The following SMC3 variants were observed in gnomAD, a reference collection of about 807,000 sequenced individuals.
SMC3 encodes the protein structural maintenance of chromosomes 3, also known as structural maintenance of chromosomes protein 3.
Under a neutral mutation model 171.8 loss-of-function variants are expected in SMC3, and 20 were observed. The observed-to-expected ratio is 0.12, with a 90% CI of 0.08 to 0.17. The LOEUF (loss-of-function observed/expected upper bound fraction) is 0.17, where lower values mean the gene tolerates loss of function less well. Among genes scored for constraint, SMC3 ranks in the 10% least tolerant of loss-of-function variants. The probability of loss-of-function intolerance (pLI) is 1.00; values close to 1 mark genes in which losing one functional copy is unlikely to be tolerated. For synonymous variants in SMC3, 464 were observed against 451.1 expected (o/e 1.03, Z -0.36); for missense variants, 543 against 1,420.4 (o/e 0.38, Z 9.93).
intron 7 of SMC3, among the ~76,000 whole-genome samples, chr10:110,579,939 C>T (rs1340370616): frequency 3.3e-5 from 5 of 152,256 alleles, no homozygotes; most frequent in Admixed American, 2.6e-4. Context: ...ACCATTCTCT[C>T]TATATTTAAA....
chr10:110,598,648 C>T (rs1394034513), intron 20 of SMC3, among the ~76,000 whole-genome samples: 1 of 152,100 alleles, frequency 6.6e-6, no homozygotes, highest in Non-Finnish European at 1.5e-5. Flanking sequence ...TCAGATGATC[C>T]ACCTGCCTTG....
At chr10:110,602,450 AT>A (rs1439959704) in intron 25 of SMC3, 23 bp from the exon 26 acceptor site, 1 of 1,589,308 alleles carries the variant, frequency 6.3e-7, no homozygotes. Flanking sequence ...CAAAATTTAT[AT>A]TTCAATCTGC....
chr10:110,574,684 C>T (rs773174273), intron 3 of SMC3, among the ~76,000 whole-genome samples: 15 of 147,504 alleles, frequency 1.0e-4, no homozygotes, highest in African/African-American at 3.8e-4. Flanking sequence ...TGGGCACCCC[C>T]ACCACCTCCA....
chr10:110,593,388 G>A (rs903219713), intron 18 of SMC3, among the ~76,000 whole-genome samples, 165 bp downstream of exon 18: 4 of 151,904 alleles, frequency 2.6e-5, no homozygotes, highest in Non-Finnish European at 4.4e-5. Flanking sequence ...CCTGGCTAAC[G>A]AGGCGAAACC....
intron 6 of SMC3, among the ~76,000 whole-genome samples, chr10:110,578,293 G>A (rs1180704461): frequency 2.6e-5 from 4 of 151,940 alleles, no homozygotes; most frequent in Non-Finnish European, 4.4e-5. Context: ...GGCTGGTCTC[G>A]AACTCTTGAC....
chr10:110,603,156 T>C, intron 27 of SMC3, 28 bp from the exon 28 acceptor site: 7 of 1,569,590 alleles, frequency 4.5e-6, no homozygotes, highest in Non-Finnish European at 5.3e-6. Flanking sequence ...GAAAAGAAAT[T>C]TGTTAAAGCA....
chr10:110,577,536 T>A (rs763526476), intron 5 of SMC3, 44 bp downstream of exon 5: 3 of 1,331,532 alleles, frequency 2.3e-6, no homozygotes, highest in Non-Finnish European at 3.2e-6. Flanking sequence ...ATTTAATTGG[T>A]TTAGCTGATT....
intron 13 of SMC3, 108 bp from the exon 14 acceptor site, chr10:110,589,497 C>T: frequency 1.4e-6 from 1 of 723,562 alleles, no homozygotes. Flanking sequence ...TAATTCCTCC[C>T]TCACCTTTTG....
intron 13 of SMC3, among the ~76,000 whole-genome samples, chr10:110,589,224 C>T (rs910313005): frequency 2.6e-5 from 4 of 151,800 alleles, no homozygotes; most frequent in African/African-American, 9.7e-5. Flanking sequence ...TCCGTCTCTA[C>T]TAAAAATACA....
chr10:110,578,226 A>G (rs1860981894), intron 6 of SMC3, among the ~76,000 whole-genome samples: 1 of 151,892 alleles, frequency 6.6e-6, no homozygotes, highest in African/African-American at 2.4e-5. Context: ...GGCAGTCACC[A>G]CCACACCCGG....
chr10:110,600,119 T>C (rs995190519), intron 21 of SMC3, among the ~76,000 whole-genome samples: 5 of 152,226 alleles, frequency 3.3e-5, no homozygotes, highest in Admixed American at 6.5e-5. Flanking sequence ...CCTTTACATA[T>C]TTAATGTTTT....
In SMC3 at chr10:110,602,460, G is replaced by C; in HGVS notation, c.3106-14G>C. ...CTAAGCAAAATTTATATTTCAATCTGCTTTTGTTTTAAGGTATCTAAGAAC... is the reference window on the plus strand; with the variant it reads ...CTAAGCAAAATTTATATTTCAATCTCCTTTTGTTTTAAGGTATCTAAGAAC... On this transcript the variant is annotated splice_polypyrimidine_tract_variant and intron_variant, in intron 25 of 28. Transcript: ENST00000361804. 1.2e-6 allele frequency: 2 copies of C among 1,604,230 alleles called. No homozygotes were observed. The highest frequency in any genetic ancestry group is 1.7e-6 in the Non-Finnish European group (2 of 1,172,712).
At chr10:110,583,312 A>G in intron 10 of SMC3, 72 bp from the exon 11 acceptor site, 1 of 1,207,172 alleles carries the variant, frequency 8.3e-7, no homozygotes, top group Admixed American at 1.7e-5. Context: ...TAAGTGAAAG[A>G]GAATTAATGG....
intron 2 of SMC3, among the ~76,000 whole-genome samples, chr10:110,573,153 AAC>A: frequency 6.6e-6 from 1 of 152,300 alleles, no homozygotes; most frequent in South Asian, 2.1e-4. Context: ...AATTTCACTA[AAC>A]ACACTTAAAA....
chr10:110,573,621 A>G, intron 2 of SMC3, 86 bp from the exon 3 acceptor site: 1 of 924,824 alleles, frequency 1.1e-6, no homozygotes, highest in Non-Finnish European at 1.7e-6. Context: ...TGGATTTTAA[A>G]AATATTGAGT....
chr10:110,568,231 G>T lies in SMC3; in HGVS notation c.15+400G>T, dbSNP rs951396477. On this transcript the variant is annotated intron_variant, in intron 1 of 28. Transcript: ENST00000361804. ...AGGGGTGGCCTCACACGGCCCATGT[G>T]CCTGGGATGTGTGGAAAGGTGGCTT... The T allele has an allele frequency of 1.5e-5, 4 of 269,206 alleles. No individual in the cohort carries two copies. In the East Asian group the frequency reaches 2.8e-4, roughly 19 times the overall value. 16.7% of individuals were successfully genotyped at this position (269,206 alleles called of 1,614,324 possible).
chr10:110,598,054 G>GA, intron 19 of SMC3, 85 bp from the exon 20 acceptor site: 1 of 1,228,762 alleles, frequency 8.1e-7, no homozygotes, highest in East Asian at 2.3e-5. Flanking sequence ...AGAAAAGGAA[G>GA]GGATACATGG....
intron 10 of SMC3, 44 bp downstream of exon 10, chr10:110,582,686 T>C (rs769717011): frequency 2.1e-6 from 3 of 1,423,794 alleles, no homozygotes; most frequent in Non-Finnish European, 3.0e-6. Flanking sequence ...TTTTTACTTT[T>C]GAGACAGGGT....
At chr10:110,574,519 T>C (rs920653339) in intron 3 of SMC3, among the ~76,000 whole-genome samples, 3 of 152,234 alleles carry the variant, frequency 2.0e-5, no homozygotes, top group African/African-American at 7.2e-5. Context: ...AGGCACTCTC[T>C]AGCCTGTATA....
Sources: gnomAD v4.1 joint callset for allele counts (sites outside exome capture counted in the v4.1 genomes callset) on GRCh38, gnomAD v4.1.1 for gene constraint, MANE v1.5 for transcripts, NCBI Gene and HGNC (gene_info 2026-07-23, HGNC 2026-07-21) for gene names.